CXCL14: variants seen among roughly 807,000 people sequenced by gnomAD.
CXCL14 encodes C-X-C motif chemokine 14.
Under a neutral mutation model 16.1 loss-of-function variants are expected in CXCL14, and 9 were observed. The ratio of observed to expected loss-of-function variants is 0.56; its 90% CI spans 0.34 to 0.97. The LOEUF (loss-of-function observed/expected upper bound fraction) is 0.97, where lower values mean the gene tolerates loss of function less well. CXCL14 is among the 50% of genes least tolerant of loss of function. The probability of loss-of-function intolerance (pLI) is 0.02; values close to 1 mark genes in which losing one functional copy is unlikely to be tolerated. For synonymous variants in CXCL14, 55 were observed against 52.8 expected (o/e 1.04, Z -0.18); for missense variants, 111 against 132.5 (o/e 0.84, Z 0.80).
chr5:135,572,821 C>T (rs904402709), intron 3 of CXCL14, among the ~76,000 whole-genome samples: 1 of 152,232 alleles, frequency 6.6e-6, no homozygotes, highest in Non-Finnish European at 1.5e-5. Flanking sequence ...CTAGCTTTGG[C>T]ATTCTCTTTC....
At chr5:135,575,652 G>A (rs566644191) in intron 2 of CXCL14, among the ~76,000 whole-genome samples, 110 of 152,306 alleles carry the variant, frequency 7.2e-4, no homozygotes, top group Non-Finnish European at 1.1e-3. Context: ...GCCTTGCTGT[G>A]GGGGCTCCAG....
At chr5:135,576,299 T>G (rs894973655) in intron 2 of CXCL14, among the ~76,000 whole-genome samples, 1 of 152,220 alleles carries the variant, frequency 6.6e-6, no homozygotes, top group Admixed American at 6.5e-5. Context: ...CTGCAGGAAT[T>G]TAGCAAATGC....
At chr5:135,577,557 A>G (rs890552274) in intron 2 of CXCL14, among the ~76,000 whole-genome samples, 3 of 152,132 alleles carry the variant, frequency 2.0e-5, no homozygotes, top group African/African-American at 7.2e-5. Flanking sequence ...GGTGGGGGCC[A>G]GCTGGTGGAG....
intron 2 of CXCL14, 55 bp downstream of exon 2, chr5:135,578,379 T>C (rs1751147382): frequency 7.0e-7 from 1 of 1,428,782 alleles, no homozygotes; most frequent in Non-Finnish European, 9.9e-7. Flanking sequence ...GGCTGTGCCC[T>C]GGCATTGGGT....
intron 2 of CXCL14, 96 bp from the exon 3 acceptor site, chr5:135,574,781 C>T (rs905417813): frequency 5.0e-6 from 5 of 999,646 alleles, no homozygotes; most frequent in African/African-American, 3.2e-5. Context: ...AGTCAGGGCC[C>T]TGAGAGACTG....
Position 135,571,764 on chromosome 5 carries a change from TTTTTTTTTTTTTTTTTTTTTTAATC to T in CXCL14, c.*64_*88del. 1 of 182,564 alleles carries T rather than the reference TTTTTTTTTTTTTTTTTTTTTTAATC, an allele frequency of 5.5e-6. No homozygotes were observed. The highest frequency in any genetic ancestry group is 1.0e-5 in the Non-Finnish European group (1 of 100,462). The allele number at this position is 182,564 out of a possible 1,614,324, so 11.3% of individuals were successfully genotyped here. On this transcript the variant is annotated 3_prime_UTR_variant, in exon 4 of 4. Transcript: ENST00000512158. ...AGGCTTTTTTTTTTTTTTTTTTTTT[TTTTTTTTTTTTTTTTTTTTTTAATC>T]TGCAAAGTCCTTTGCACAAGTCTCC...
chr5:135,571,613 G>C lies in CXCL14; in HGVS notation c.*240C>G. ...AAAGCAGCCTGTGATGAAGTCTGGA[G>C]CACAAGAGAGATGGGTCTCCCATCT... On this transcript the variant is annotated 3_prime_UTR_variant, in exon 4 of 4. Coordinates refer to ENST00000512158, the MANE Select transcript of CXCL14 (RefSeq NM_004887.5). 2.0e-6 allele frequency: 1 copy of C among 505,912 alleles called. No individual in the cohort carries two copies. 31.3% of individuals were successfully genotyped at this position (505,912 alleles called of 1,614,324 possible).
intron 2 of CXCL14, among the ~76,000 whole-genome samples, chr5:135,577,558 G>T (rs1751125453): frequency 6.6e-6 from 1 of 152,204 alleles, no homozygotes; most frequent in African/African-American, 2.4e-5. Context: ...GTGGGGGCCA[G>T]CTGGTGGAGG....
intron 3 of CXCL14, 69 bp downstream of exon 3, chr5:135,574,503 G>T (rs1264613794): frequency 1.7e-5 from 21 of 1,264,568 alleles, no homozygotes; most frequent in Non-Finnish European, 2.0e-5. Context: ...CTGGTGGGGG[G>T]GTCCCTTCCC....
At chr5:135,574,870 C>T (rs1375447478) in intron 2 of CXCL14, among the ~76,000 whole-genome samples, 185 bp from the exon 3 acceptor site, 1 of 152,146 alleles carries the variant, frequency 6.6e-6, no homozygotes, top group Non-Finnish European at 1.5e-5. Flanking sequence ...CTGGTTGTCC[C>T]CTTATTCTCT....
intron 1 of CXCL14, 85 bp downstream of exon 1, chr5:135,578,630 A>G: frequency 2.5e-6 from 4 of 1,590,446 alleles, no homozygotes; most frequent in Non-Finnish European, 3.4e-6. Flanking sequence ...CCCCCGCGGG[A>G]TCCCAGGATG....
At chr5:135,577,721 A>G (rs1022458576) in intron 2 of CXCL14, among the ~76,000 whole-genome samples, 1 of 152,236 alleles carries the variant, frequency 6.6e-6, no homozygotes, top group African/African-American at 2.4e-5. Flanking sequence ...GCTGGCCTCA[A>G]GTGGTTAATT....
At chr5:135,574,059 G>A (rs894748275) in intron 3 of CXCL14, among the ~76,000 whole-genome samples, 2 of 152,212 alleles carry the variant, frequency 1.3e-5, no homozygotes, top group Non-Finnish European at 2.9e-5. Flanking sequence ...GAGTTTATCA[G>A]GTTTCTGGGC....
rs1209797502 is a variant in CXCL14, at chr5:135,571,762, TTTTTTTTTTTTTTTTTTTTTTTTA to T, written c.*67_*90del. ...AAAGGCTTTTTTTTTTTTTTTTTTT[TTTTTTTTTTTTTTTTTTTTTTTTA>T]ATCTGCAAAGTCCTTTGCACAAGTC... On this transcript the variant is annotated 3_prime_UTR_variant, in exon 4 of 4. Coordinates refer to ENST00000512158, the MANE Select transcript of CXCL14 (RefSeq NM_004887.5). The T allele has an allele frequency of 4.1e-3, 602 of 146,608 alleles. 6 individuals carry two copies. In the East Asian group the frequency reaches 0.052, roughly 13 times the overall value. The allele number at this position is 146,608 out of a possible 1,614,324, so 9.1% of individuals were successfully genotyped here.
At position 135,578,438 on chromosome 5, in the gene CXCL14, C is replaced by T; in HGVS notation, c.166G>A (p.Val56Ile). ...AGGTGAGGAGCGAGAACTCACATAA[C>T]CATCTTCTCCTCGCAGTGCGGGTAC... is the stretch of plus-strand genomic sequence containing the variant. Reference protein sequence around the residue: ...PKYPHCEEKMVIITTKSVSRY... With the variant: ...PKYPHCEEKMIIITTKSVSRY... The change falls in exon 2 of 4, where the codon GTT (valine) becomes ATT (isoleucine). Residue 56 changes from valine to isoleucine, a missense_variant. By Grantham distance (29) the Val-to-Ile change is conservative. Transcript: ENST00000512158. The T allele has an allele frequency of 4.3e-6, 7 of 1,613,704 alleles. No homozygotes were observed. Among genetic ancestry groups the T allele is most frequent in the Non-Finnish European group, 5.1e-6 (6 of 1,179,528 alleles).
In CXCL14 at chr5:135,578,854, G is replaced by A. The variant is rs1477051052; in HGVS notation, c.-76C>T. The A allele has an allele frequency of 7.0e-7, 1 of 1,429,526 alleles. No individual in the cohort carries two copies. The highest frequency in any genetic ancestry group is 2.6e-5 in the East Asian group (1 of 38,404). The allele number at this position is 1,429,526 out of a possible 1,614,324, so 88.6% of individuals were successfully genotyped here. Reference sequence around the variant, plus strand: ...CCCGTCGGAGCGGCGGCCCGGAGACGCCACCCAGCTCTGCTCGGCTTTCTC... The same window carrying A: ...CCCGTCGGAGCGGCGGCCCGGAGACACCACCCAGCTCTGCTCGGCTTTCTC... On this transcript the variant is annotated 5_prime_UTR_variant, in exon 1 of 4. Coordinates refer to ENST00000512158, the MANE Select transcript of CXCL14 (RefSeq NM_004887.5).
intron 3 of CXCL14, among the ~76,000 whole-genome samples, chr5:135,573,709 C>CGTGTGTGTGT (rs3057739): frequency 3.4e-5 from 5 of 145,422 alleles, no homozygotes; most frequent in African/African-American, 1.3e-4. Context: ...TGCATGCATG[C>CGTGTGTGTGT]GTGTGTGTGT....
At chr5:135,572,492 T>C (rs2126864231) in intron 3 of CXCL14, among the ~76,000 whole-genome samples, 1 of 152,308 alleles carries the variant, frequency 6.6e-6, no homozygotes, top group East Asian at 1.9e-4. Flanking sequence ...CCTGGCTGCA[T>C]TGCCTCATCT....
intron 3 of CXCL14, among the ~76,000 whole-genome samples, chr5:135,573,505 C>T (rs1208227091): frequency 2.6e-5 from 4 of 152,108 alleles, no homozygotes; most frequent in Admixed American, 6.5e-5. Context: ...GAGGGCAATG[C>T]AGGCACCCAC....
Sources: allele counts gnomAD v4.1 joint callset (sites outside exome capture counted in the v4.1 genomes callset), GRCh38; gene constraint gnomAD v4.1.1; transcripts MANE v1.5; gene names NCBI Gene and HGNC (gene_info 2026-07-23, HGNC 2026-07-21).